Variants in LARGE1 observed in about 807,000 individuals in gnomAD.
LARGE1 encodes the protein LARGE xylosyl- and glucuronyltransferase 1, also known as xylosyl- and glucuronyltransferase LARGE1.
LARGE1 carries 43 observed loss-of-function variants against 87.6 expected under a neutral mutation model. The observed-to-expected ratio is 0.49, with a 90% CI of 0.38 to 0.63. The LOEUF (loss-of-function observed/expected upper bound fraction) is 0.63, where lower values mean the gene tolerates loss of function less well. LARGE1 is among the 30% of genes least tolerant of loss of function. The probability of loss-of-function intolerance (pLI) is 0.00; values close to 1 mark genes in which losing one functional copy is unlikely to be tolerated. For synonymous variants in LARGE1, 434 were observed against 394.6 expected, an observed-to-expected ratio of 1.10 and a Z score of -1.18; for missense variants, 802 against 1,000.2, an observed-to-expected ratio of 0.80 and a Z score of 2.67.
At chr22:33,834,493 C>T (rs1316486123) in intron 1 of LARGE1, among the ~76,000 whole-genome samples, 1 of 152,192 alleles carries the variant, frequency 6.6e-6, no homozygotes, top group Non-Finnish European at 1.5e-5. Context: ...TCCCCCACCC[C>T]TGCCAGCTAG....
chr22:33,841,577 C>A (rs894323708), intron 1 of LARGE1, among the ~76,000 whole-genome samples: 4 of 152,218 alleles, frequency 2.6e-5, no homozygotes, highest in African/African-American at 4.8e-5. Context: ...TACCTCTCAA[C>A]AGCCCCAACA....
chr22:33,922,467 C>G (rs1032626195), upstream of LARGE1: 1 of 152,198 alleles, frequency 6.6e-6, no homozygotes, highest in Non-Finnish European at 1.5e-5. Flanking sequence ...GGCTCCGGAG[C>G]GCTGTTTACC....
chr22:33,492,727 T>A lies in LARGE1; in HGVS notation c.788-60462A>T, dbSNP rs569954800. Among the ~76,000 whole-genome samples the A allele has an allele frequency of 3.6e-3, 542 of 152,298 alleles. 6 individuals carry two copies. The highest frequency in any genetic ancestry group is 0.025 in the South Asian group (121 of 4,824). ...TTTGAAGTCTCAATTTTTAATCAAT[T>A]GTGCACATTTTAAATTTTACCTCAT... On this transcript the variant is annotated intron_variant, in intron 6 of 14. Transcript: ENST00000397394.
intron 5 of LARGE1, among the ~76,000 whole-genome samples, chr22:33,596,755 C>T (rs1364622556): frequency 6.6e-6 from 1 of 152,142 alleles, no homozygotes; most frequent in Non-Finnish European, 1.5e-5. Context: ...GAAAGGCAGC[C>T]ACATTAGGAA....
chr22:33,921,214 T>G (rs2065941901), upstream of LARGE1, among the ~76,000 whole-genome samples: 1 of 152,022 alleles, frequency 6.6e-6, no homozygotes, highest in African/African-American at 2.4e-5. This position sits in a 1 kb window ranked among gnomAD's most constrained non-coding sequence, Gnocchi z 4.1. Context: ...CCCCGGTGCT[T>G]CTTCAGCTCG....
At chr22:33,489,329 T>C (rs1032486622) in intron 6 of LARGE1, among the ~76,000 whole-genome samples, 4 of 152,220 alleles carry the variant, frequency 2.6e-5, no homozygotes, top group Non-Finnish European at 5.9e-5. Flanking sequence ...TTTCAAACTG[T>C]CAATCATTCA....
intron 2 of LARGE1, among the ~76,000 whole-genome samples, chr22:33,676,449 G>C (rs1434136228): frequency 8.0e-6 from 1 of 125,050 alleles, no homozygotes; most frequent in Non-Finnish European, 1.7e-5. Context: ...ATAGATAACT[G>C]AGGATGACAT....
At chr22:33,630,797 A>G (rs1261038009) in intron 3 of LARGE1, among the ~76,000 whole-genome samples, 1 of 152,190 alleles carries the variant, frequency 6.6e-6, no homozygotes, top group Non-Finnish European at 1.5e-5. Flanking sequence ...TCAATAAAAA[A>G]TTAAACTTAG....
rs966542601 is a variant in LARGE1, at chr22:33,877,395, C to A, written c.-83+42600G>T. ...GTATCCTCCAAAAAAATTTTTTTTC[C>A]CAAGATTTTGTAAGAAACTAGCACA... On this transcript the variant is annotated intron_variant, in intron 1 of 14. Coordinates refer to ENST00000397394, the MANE Select transcript of LARGE1 (RefSeq NM_133642.5). Among the ~76,000 whole-genome samples, 4 of 152,042 alleles carry A rather than the reference C, an allele frequency of 2.6e-5. No homozygotes were observed. The East Asian group carries it at 7.7e-4, about 29-fold the overall frequency.
At chr22:33,883,316 A>G (rs2064751909) in intron 1 of LARGE1, among the ~76,000 whole-genome samples, 1 of 152,192 alleles carries the variant, frequency 6.6e-6, no homozygotes, top group Non-Finnish European at 1.5e-5. Flanking sequence ...TTAAAGTGTA[A>G]TAAGACAAAG....
chr22:33,468,591 T>C (rs2068708540), intron 6 of LARGE1, among the ~76,000 whole-genome samples: 1 of 152,220 alleles, frequency 6.6e-6, no homozygotes, highest in Admixed American at 6.5e-5. Context: ...TCAAAACATT[T>C]ATTGAATATT....
At position 33,759,938 on chromosome 22, in the gene LARGE1, G is replaced by C. The variant is rs570572021; in HGVS notation, c.106+1433C>G. ...ACCTAAAGGGTGGGAACAGGGACAG[G>C]GGTGTGTCACTTGGCCTCGGCACTG... is the stretch of plus-strand genomic sequence containing the variant. On this transcript the variant is annotated intron_variant, in intron 2 of 14. Coordinates refer to ENST00000397394, the MANE Select transcript of LARGE1 (RefSeq NM_133642.5). 6.6e-5 allele frequency among the ~76,000 whole-genome samples: 10 copies of C among 152,234 alleles called. No homozygotes were observed. The East Asian group carries it at 1.9e-3, about 29-fold the overall frequency.
At chr22:33,303,042 T>C (rs1311880392) in intron 12 of LARGE1, among the ~76,000 whole-genome samples, 3 of 152,194 alleles carry the variant, frequency 2.0e-5, no homozygotes, top group Non-Finnish European at 2.9e-5. Flanking sequence ...TAAAATGTCA[T>C]TGGACCATGA....
intron 3 of LARGE1, among the ~76,000 whole-genome samples, chr22:33,629,150 A>C (rs775145614): frequency 9.8e-5 from 15 of 152,294 alleles, no homozygotes; most frequent in Non-Finnish European, 1.8e-4. Flanking sequence ...AATATCTGTA[A>C]AAGACTCAGG....
chr22:33,331,081 A>G (rs1601475554), intron 10 of LARGE1, among the ~76,000 whole-genome samples: 1 of 152,170 alleles, frequency 6.6e-6, no homozygotes, highest in South Asian at 2.1e-4. Flanking sequence ...TTATGATCAC[A>G]TGGGTCAGGC....
At chr22:33,283,409 C>T in intron 12 of LARGE1, 61 bp from the exon 13 acceptor site, 1 of 1,591,432 alleles carries the variant, frequency 6.3e-7, no homozygotes, top group South Asian at 1.1e-5. Context: ...AGGTCTTTCC[C>T]CCATGAGGGC....
intron 2 of LARGE1, among the ~76,000 whole-genome samples, chr22:33,658,972 C>T (rs1426413364): frequency 3.3e-5 from 5 of 152,176 alleles, no homozygotes; most frequent in African/African-American, 2.4e-5. Flanking sequence ...CAAGCCTCTA[C>T]TGTATTCTCT....
chr22:33,822,323 G>C (rs753238034), intron 1 of LARGE1, among the ~76,000 whole-genome samples: 1 of 152,198 alleles, frequency 6.6e-6, no homozygotes, highest in South Asian at 2.1e-4. Context: ...GTTTCTGGCC[G>C]GCATCTGAAG....
At chr22:33,589,315 A>G (rs929035029) in intron 5 of LARGE1, among the ~76,000 whole-genome samples, 1 of 152,184 alleles carries the variant, frequency 6.6e-6, no homozygotes, top group Non-Finnish European at 1.5e-5. Context: ...GTTTAGTACT[A>G]TGTCTGATAC....
Sources: allele counts gnomAD v4.1 joint callset (sites outside exome capture counted in the v4.1 genomes callset), GRCh38; gene constraint gnomAD v4.1.1; non-coding constraint Gnocchi (gnomAD v3.1); transcripts MANE v1.5; gene names NCBI Gene and HGNC (gene_info 2026-07-23, HGNC 2026-07-21).